The following ATP2C2 variants were observed in gnomAD, a reference collection of about 807,000 sequenced individuals.
ATP2C2 encodes the protein calcium-transporting ATPase type 2C member 2.
ATP2C2 carries 171 observed loss-of-function variants against 110.8 expected under a neutral mutation model. The ratio of observed to expected loss-of-function variants is 1.54; its 90% CI spans 1.36 to 1.75. The LOEUF is 1.75. Among genes scored for constraint, ATP2C2 ranks in the 40% most tolerant of loss-of-function variants. The pLI, the probability that ATP2C2 is intolerant of heterozygous loss-of-function variation, is 0.00. For synonymous variants in ATP2C2, 804 were observed against 508.4 expected, an observed-to-expected ratio of 1.58 and a Z score of -7.82; for missense variants, 1,963 against 1,235.0, an observed-to-expected ratio of 1.59 and a Z score of -8.84.
chr16:84,382,962 C>T (rs1597734745), intron 1 of ATP2C2, among the ~76,000 whole-genome samples: 1 of 151,882 alleles, frequency 6.6e-6, no homozygotes, highest in Non-Finnish European at 1.5e-5. Flanking sequence ...TGCCCCTCTT[C>T]CTGGACCATC....
intron 1 of ATP2C2, among the ~76,000 whole-genome samples, chr16:84,377,420 T>C (rs1910311767): frequency 6.6e-6 from 1 of 152,068 alleles, no homozygotes; most frequent in Admixed American, 6.6e-5. Context: ...AGACTCCACT[T>C]CCTCACAGCT....
At chr16:84,432,307 G>A (rs1289707280) in intron 11 of ATP2C2, among the ~76,000 whole-genome samples, 1 of 152,080 alleles carries the variant, frequency 6.6e-6, no homozygotes, top group Non-Finnish European at 1.5e-5. Context: ...TAGGATACAT[G>A]TGCAGAATGT....
At chr16:84,400,916 T>C (rs1447905255) in intron 2 of ATP2C2, among the ~76,000 whole-genome samples, 1 of 152,220 alleles carries the variant, frequency 6.6e-6, no homozygotes, top group East Asian at 1.9e-4. Context: ...AAACAGATTA[T>C]TAGGTTTTCT....
At chr16:84,459,805 G>C (rs182242945) in intron 23 of ATP2C2, 14 of 511,474 alleles carry the variant, frequency 2.7e-5, no homozygotes, top group African/African-American at 2.3e-4. Flanking sequence ...ATTGTGATCT[G>C]TCTCCCCTTT....
In ATP2C2 at chr16:84,422,385, C is replaced by G; in HGVS notation, c.625-5C>G. 6.2e-7 allele frequency: 1 copy of G among 1,613,236 alleles called. No individual in the cohort carries two copies. Among genetic ancestry groups the G allele is most frequent in the Non-Finnish European group, 8.5e-7 (1 of 1,179,652 alleles). ...TTCCACAGCCTTTTCCCCTTGCTCTCCTAGGTCACGGACCTCTTGGTGGAT... is the reference window on the plus strand; with the variant it reads ...TTCCACAGCCTTTTCCCCTTGCTCTGCTAGGTCACGGACCTCTTGGTGGAT... On this transcript the variant is annotated splice_polypyrimidine_tract_variant and splice_region_variant and intron_variant, in intron 7 of 26. Transcript: ENST00000262429.
At position 84,461,741 on chromosome 16, in the gene ATP2C2, C is replaced by CGCA. The variant is rs747800087; in HGVS notation, c.2510_2512dup (p.Arg837_Thr838insSer). On this transcript the variant is annotated inframe_insertion, in exon 25 of 27. Coordinates refer to ENST00000262429, the MANE Select transcript of ATP2C2 (RefSeq NM_014861.4). ...GCCTGAAGACAGAGCAAGCACTCCC[C>CGCA]GCACCACGACGATGACGTTCACTTG... The CGCA allele has an allele frequency of 1.9e-6, 3 of 1,614,080 alleles. No homozygotes were observed. Among genetic ancestry groups the CGCA allele is most frequent in the Middle Eastern group, 1.6e-4 (1 of 6,084 alleles).
At chr16:84,391,498 G>A (rs1904660821) in intron 1 of ATP2C2, among the ~76,000 whole-genome samples, 1 of 152,232 alleles carries the variant, frequency 6.6e-6, no homozygotes, top group Admixed American at 6.5e-5. Context: ...AGGTCACACT[G>A]GAGTTGTGTG....
rs1187697497 is a variant in ATP2C2 at position 84,423,282 on chromosome 16, A to T, written c.919+19A>T. 2 of 1,609,840 alleles carry T rather than the reference A, an allele frequency of 1.2e-6. No homozygotes were observed. The highest frequency in any genetic ancestry group is 1.1e-5 in the South Asian group (1 of 90,986). On this transcript the variant is annotated intron_variant, in intron 10 of 26. Transcript: ENST00000262429. ...ATAATCGGTGAGTGAAGCAGTTTCC[A>T]TACTGGGTTTGTTCTGCAGATGGAG...
chr16:84,401,469 T>C (rs1019248295), intron 2 of ATP2C2, among the ~76,000 whole-genome samples: 1 of 152,098 alleles, frequency 6.6e-6, no homozygotes, highest in Non-Finnish European at 1.5e-5. Context: ...AGGTAATCTG[T>C]CCACCTCATC....
intron 15 of ATP2C2, among the ~76,000 whole-genome samples, chr16:84,445,786 G>T (rs915732331): frequency 4.6e-5 from 7 of 152,196 alleles, no homozygotes; most frequent in African/African-American, 1.7e-4. Flanking sequence ...GTAGTTTTTT[G>T]TGCCCCTGCT....
At chr16:84,408,094 A>G (rs11646620) in intron 3 of ATP2C2, among the ~76,000 whole-genome samples, 27,882 of 152,178 alleles carry the variant, frequency 0.18, 4,688 homozygotes, top group African/African-American at 0.45. Flanking sequence ...CAGGACTGGC[A>G]TCTTGCCGAA....
At chr16:84,420,280 G>C (rs575665284) in intron 7 of ATP2C2, among the ~76,000 whole-genome samples, 2 of 151,996 alleles carry the variant, frequency 1.3e-5, no homozygotes, top group South Asian at 4.2e-4. Flanking sequence ...CATTCACTGC[G>C]GTATTCCCAG....
chr16:84,398,534 A>G lies in ATP2C2; in HGVS notation c.135A>G (p.Lys45=). The G allele has an allele frequency of 6.2e-6, 10 of 1,613,026 alleles. No homozygotes were observed. Among genetic ancestry groups the G allele is most frequent in the Non-Finnish European group, 7.6e-6 (9 of 1,179,636 alleles). Residue 45 remains lysine (K), a synonymous_variant, in exon 2 of 27, where the codon AAA becomes AAG. Transcript: ENST00000262429. ...AGAGTGAGCTGAAAGCCATCGAGAA[A>G]GAGAAGAAGGTGACAGCCCTGCCCC... ...DEQSELKAIE[K]EKKVTALPPK...
chr16:84,447,347 A>G (rs1205053244), intron 16 of ATP2C2, among the ~76,000 whole-genome samples: 1 of 152,184 alleles, frequency 6.6e-6, no homozygotes, highest in Non-Finnish European at 1.5e-5. Flanking sequence ...CTTGCAAGGC[A>G]ATGGTAATAT....
chr16:84,393,616 C>G (rs572971443), intron 1 of ATP2C2, among the ~76,000 whole-genome samples: 31 of 152,150 alleles, frequency 2.0e-4, no homozygotes, highest in Non-Finnish European at 4.1e-4. Flanking sequence ...AGGTGTATTT[C>G]CAATGCAAGG....
intron 2 of ATP2C2, chr16:84,404,727 G>T: frequency 2.8e-6 from 1 of 354,302 alleles, no homozygotes; most frequent in South Asian, 2.3e-5. Flanking sequence ...GGAATTGCTG[G>T]ATCTGGTAGC....
intron 6 of ATP2C2, among the ~76,000 whole-genome samples, chr16:84,415,262 C>T (rs1906728770): frequency 6.6e-6 from 1 of 152,146 alleles, no homozygotes; most frequent in Non-Finnish European, 1.5e-5. Flanking sequence ...ACAGCAATGG[C>T]CTCATCTTTC....
At chr16:84,422,029 C>A (rs937609172) in intron 7 of ATP2C2, among the ~76,000 whole-genome samples, 1 of 152,074 alleles carries the variant, frequency 6.6e-6, no homozygotes, top group Admixed American at 6.6e-5. Flanking sequence ...TGTGTGGGAA[C>A]CATACAGATT....
At chr16:84,380,775 C>T (rs1015721036) in intron 1 of ATP2C2, among the ~76,000 whole-genome samples, 14 of 152,100 alleles carry the variant, frequency 9.2e-5, no homozygotes, top group African/African-American at 2.4e-4. Flanking sequence ...GTACATACAT[C>T]GGGGGGTCTG....
Sources: allele counts gnomAD v4.1 joint callset (sites outside exome capture counted in the v4.1 genomes callset), GRCh38; gene constraint gnomAD v4.1.1; transcripts MANE v1.5; gene names NCBI Gene and HGNC (gene_info 2026-07-23, HGNC 2026-07-21).